The following SIPA1L1 variants were observed in gnomAD, a reference collection of about 807,000 sequenced individuals.
SIPA1L1 encodes the protein signal induced proliferation associated 1 like 1.
A neutral mutation model predicts 162.7 loss-of-function variants in SIPA1L1; 26 were observed. That is an observed-to-expected ratio of 0.16 (90% CI 0.12 to 0.22). The LOEUF (loss-of-function observed/expected upper bound fraction) is 0.22, where lower values mean the gene tolerates loss of function less well. Ranked by LOEUF, SIPA1L1 falls within the 10% of genes least tolerant of loss-of-function variation. SIPA1L1 has a pLI of 1.00. For missense variants in SIPA1L1, 1,874 were observed against 2,241.0 expected, an observed-to-expected ratio of 0.84 and a Z score of 3.31; for synonymous variants, 829 against 837.4, an observed-to-expected ratio of 0.99 and a Z score of 0.17.
chr14:71,584,236 A>C (rs912810221), intron 4 of SIPA1L1, among the ~76,000 whole-genome samples: 2 of 152,178 alleles, frequency 1.3e-5, no homozygotes, highest in African/African-American at 2.4e-5. Context: ...TTCAGGATGG[A>C]GGATGGGTTC....
At chr14:71,365,642 A>G (rs1180534291) in intron 2 of SIPA1L1, among the ~76,000 whole-genome samples, 8 of 152,088 alleles carry the variant, frequency 5.3e-5, no homozygotes, top group Admixed American at 5.2e-4. Context: ...TTGTTTATAT[A>G]TTATTGCATT....
intron 13 of SIPA1L1, among the ~76,000 whole-genome samples, chr14:71,697,329 A>G (rs555650589): frequency 1.3e-5 from 2 of 152,322 alleles, no homozygotes; most frequent in South Asian, 4.1e-4. Flanking sequence ...CCTGACACAC[A>G]GTTTGTGCTC....
chr14:71,573,512 C>T (rs1255846516), intron 4 of SIPA1L1: 2 of 454,534 alleles, frequency 4.4e-6, no homozygotes, highest in African/African-American at 2.0e-5. Flanking sequence ...TTTGGGACCT[C>T]AAGAGAAAGA....
intron 2 of SIPA1L1, among the ~76,000 whole-genome samples, chr14:71,424,173 T>C (rs1028605442): frequency 6.6e-6 from 1 of 152,166 alleles, no homozygotes; most frequent in African/African-American, 2.4e-5. Flanking sequence ...TAACAGTTTT[T>C]TGTGGAACCT....
intron 2 of SIPA1L1, among the ~76,000 whole-genome samples, chr14:71,444,580 G>A (rs542945324): frequency 6.6e-6 from 1 of 152,230 alleles, no homozygotes; most frequent in South Asian, 2.1e-4. Flanking sequence ...CATCCTGGGA[G>A]CTTGGTTGTG....
intron 20 of SIPA1L1, among the ~76,000 whole-genome samples, chr14:71,732,099 G>T (rs1367997897): frequency 6.6e-6 from 1 of 152,180 alleles, no homozygotes; most frequent in Admixed American, 6.5e-5. Context: ...TTAATATCTT[G>T]CAGTGTTTGT....
intron 2 of SIPA1L1, among the ~76,000 whole-genome samples, chr14:71,445,724 C>CT (rs1391158007): frequency 1.3e-5 from 2 of 152,198 alleles, no homozygotes; most frequent in African/African-American, 4.8e-5. Context: ...ACTCGAATTA[C>CT]TACTTTTGCA....
At chr14:71,343,438 A>G (rs2035853692) in intron 2 of SIPA1L1, among the ~76,000 whole-genome samples, 1 of 152,210 alleles carries the variant, frequency 6.6e-6, no homozygotes, top group African/African-American at 2.4e-5. Flanking sequence ...AGAGAAAAAT[A>G]TCTTATCAGG....
At chr14:71,669,927 G>C (rs1357485590) in intron 10 of SIPA1L1, among the ~76,000 whole-genome samples, 1 of 152,102 alleles carries the variant, frequency 6.6e-6, no homozygotes, top group East Asian at 1.9e-4. Context: ...AAACAAAGCT[G>C]AATATCTTAA....
chr14:71,470,257 T>C (rs1339475919), intron 2 of SIPA1L1, among the ~76,000 whole-genome samples: 1 of 152,184 alleles, frequency 6.6e-6, no homozygotes, highest in Non-Finnish European at 1.5e-5. Context: ...ACTAGAAATT[T>C]ATAGTAGATC....
chr14:71,474,511 A>G (rs1398768953), intron 2 of SIPA1L1, among the ~76,000 whole-genome samples: 1 of 152,236 alleles, frequency 6.6e-6, no homozygotes, highest in Non-Finnish European at 1.5e-5. Flanking sequence ...CCAGGGTGAT[A>G]AAGAAGACAA....
At chr14:71,350,802 A>G (rs1010289569) in intron 2 of SIPA1L1, among the ~76,000 whole-genome samples, 1 of 152,188 alleles carries the variant, frequency 6.6e-6, no homozygotes, top group African/African-American at 2.4e-5. Context: ...AGTTAGGGGA[A>G]TGCTGTCTTT....
intron 2 of SIPA1L1, among the ~76,000 whole-genome samples, chr14:71,484,667 C>T (rs1208883725): frequency 2.6e-5 from 4 of 152,130 alleles, no homozygotes; most frequent in Admixed American, 2.6e-4. Context: ...ACTCATTTTG[C>T]TATCCCAGAA....
chr14:71,484,293 C>A (rs1471568301), intron 2 of SIPA1L1, among the ~76,000 whole-genome samples: 2 of 140,262 alleles, frequency 1.4e-5, no homozygotes, highest in Non-Finnish European at 1.6e-5. Context: ...TTTTTTTTAA[C>A]TTTCTCATCT....
chr14:71,578,067 T>A (rs1318058726), intron 4 of SIPA1L1, among the ~76,000 whole-genome samples: 1 of 152,128 alleles, frequency 6.6e-6, no homozygotes, highest in East Asian at 1.9e-4. Flanking sequence ...CACGCTATCA[T>A]GCCTGGCTAA....
intron 2 of SIPA1L1, among the ~76,000 whole-genome samples, chr14:71,418,988 A>G (rs949861465): frequency 6.6e-6 from 1 of 152,192 alleles, no homozygotes; most frequent in Non-Finnish European, 1.5e-5. Flanking sequence ...AAATGGGCCA[A>G]GGTCTTCAGT....
chr14:71,712,832 A>G (rs2082974364), intron 17 of SIPA1L1, among the ~76,000 whole-genome samples: 1 of 152,186 alleles, frequency 6.6e-6, no homozygotes, highest in African/African-American at 2.4e-5. Context: ...TTTGGTGTCC[A>G]CGGTTGTTAG....
chr14:71,565,767 G>A (rs920233070), intron 4 of SIPA1L1, among the ~76,000 whole-genome samples: 1 of 151,850 alleles, frequency 6.6e-6, no homozygotes, highest in African/African-American at 2.4e-5. Flanking sequence ...GTAATTTCCT[G>A]TGTATTACTT....
At chr14:71,706,075 A>G (rs927690430) in intron 16 of SIPA1L1, among the ~76,000 whole-genome samples, 1 of 152,174 alleles carries the variant, frequency 6.6e-6, no homozygotes, top group African/African-American at 2.4e-5. Flanking sequence ...CTAGTTCACT[A>G]TGGAAGATGC....
Sources: gnomAD v4.1 joint callset for allele counts (sites outside exome capture counted in the v4.1 genomes callset) on GRCh38, gnomAD v4.1.1 for gene constraint, MANE v1.5 for transcripts, NCBI Gene and HGNC (gene_info 2026-07-23, HGNC 2026-07-21) for gene names.